The following CCSER1 variants were observed in gnomAD, a reference collection of about 807,000 sequenced individuals.
The protein encoded by CCSER1 is coiled-coil serine rich protein 1, also known as serine-rich coiled-coil domain-containing protein 1.
Under a neutral mutation model 82.0 loss-of-function variants are expected in CCSER1, and 41 were observed. The ratio of observed to expected loss-of-function variants is 0.50; its 90% CI spans 0.39 to 0.65. The LOEUF (loss-of-function observed/expected upper bound fraction) is 0.65, where lower values mean the gene tolerates loss of function less well. Ranked by LOEUF, CCSER1 falls within the 30% of genes least tolerant of loss-of-function variation. The pLI is 0.00. For synonymous variants in CCSER1, 414 were observed against 383.9 expected (o/e 1.08, Z -0.92); for missense variants, 1,119 against 1,064.2 (o/e 1.05, Z -0.72).
intron 10 of CCSER1, among the ~76,000 whole-genome samples, chr4:91,593,966 T>A (rs771186563): frequency 7.2e-5 from 11 of 152,098 alleles, no homozygotes; most frequent in Non-Finnish European, 1.2e-4. Flanking sequence ...AGGAAGACAA[T>A]TAAAAGGTAA....
intron 10 of CCSER1, among the ~76,000 whole-genome samples, chr4:91,245,286 G>C (rs4547767): frequency 7.2e-5 from 11 of 151,982 alleles, no homozygotes; most frequent in African/African-American, 2.2e-4. Context: ...ACATTCAAGT[G>C]TAAGAAGATT....
chr4:91,544,324 C>A (rs998221302), intron 10 of CCSER1, among the ~76,000 whole-genome samples: 2 of 152,180 alleles, frequency 1.3e-5, no homozygotes, highest in Non-Finnish European at 2.9e-5. Context: ...CAAAGTCATT[C>A]TCCATCCTGC....
At chr4:91,136,811 CTG>C (rs550798833) in intron 10 of CCSER1, among the ~76,000 whole-genome samples, 163 of 152,028 alleles carry the variant, frequency 1.1e-3, no homozygotes, top group African/African-American at 3.5e-3. Flanking sequence ...TTTTTTGTAA[CTG>C]TGTCAACTTA....
intron 9 of CCSER1, among the ~76,000 whole-genome samples, chr4:91,012,716 GT>G (rs1739105638): frequency 1.2e-5 from 1 of 83,264 alleles, no homozygotes. Context: ...CTAAGATAAT[GT>G]AGAATAGTAG....
At chr4:91,564,279 T>A (rs911377099) in intron 10 of CCSER1, among the ~76,000 whole-genome samples, 3 of 152,014 alleles carry the variant, frequency 2.0e-5, no homozygotes, top group Admixed American at 6.6e-5. Flanking sequence ...CACATTTTTT[T>A]AATCCGATCT....
chr4:91,598,907 T>TACG lies in CCSER1; in HGVS notation c.2554_2556dup (p.Thr852dup). On this transcript the variant is annotated inframe_insertion, in exon 11 of 11. Transcript: ENST00000509176. ...TAGAGAAACCAAAGGACCAAGTTGC[T>TACG]ACGGCCCGACAGCATTCGACCTTTA... The TACG allele has an allele frequency of 2.6e-6, 4 of 1,551,606 alleles. No homozygotes were observed. The highest frequency in any genetic ancestry group is 3.5e-6 in the Non-Finnish European group (4 of 1,146,928).
chr4:91,212,720 A>G (rs957364874), intron 10 of CCSER1, among the ~76,000 whole-genome samples: 1 of 152,170 alleles, frequency 6.6e-6, no homozygotes, highest in African/African-American at 2.4e-5. Flanking sequence ...TGAAATTTTT[A>G]TTCCTTTTTT....
chr4:90,366,796 A>G (rs1746363487), intron 3 of CCSER1, among the ~76,000 whole-genome samples: 1 of 151,950 alleles, frequency 6.6e-6, no homozygotes, highest in African/African-American at 2.4e-5. Context: ...TAGTTGAACT[A>G]ACTAAATAAA....
At chr4:90,964,743 A>G (rs1020440935) in intron 9 of CCSER1, among the ~76,000 whole-genome samples, 4 of 151,268 alleles carry the variant, frequency 2.6e-5, no homozygotes, top group Non-Finnish European at 5.9e-5. Context: ...AAAAAAAAAA[A>G]AAAAAAAAAG....
intron 4 of CCSER1, among the ~76,000 whole-genome samples, chr4:90,455,026 G>A (rs889069337): frequency 1.3e-5 from 2 of 152,114 alleles, no homozygotes; most frequent in Admixed American, 1.3e-4. Flanking sequence ...GTACCTCTGG[G>A]GTTTGCTTCT....
At chr4:90,844,823 A>G (rs1213380781) in intron 8 of CCSER1, among the ~76,000 whole-genome samples, 1 of 152,198 alleles carries the variant, frequency 6.6e-6, no homozygotes, top group African/African-American at 2.4e-5. Flanking sequence ...TTGCTCAACA[A>G]CATATTTGTA....
At chr4:90,400,667 T>A (rs1478273454) in intron 4 of CCSER1, among the ~76,000 whole-genome samples, 1 of 152,168 alleles carries the variant, frequency 6.6e-6, no homozygotes, top group Non-Finnish European at 1.5e-5. Flanking sequence ...TAAATAAGTT[T>A]TTGTTGAATG....
rs187075661 is a variant in CCSER1, at chr4:91,205,397, A to T, written c.2217+119403A>T. Reference sequence around the variant, plus strand: ...ACCACTAGAAATACTTATAAATATTATCTTTAATTACAGACAATTCATGTC... The same window carrying T: ...ACCACTAGAAATACTTATAAATATTTTCTTTAATTACAGACAATTCATGTC... On this transcript the variant is annotated intron_variant, in intron 10 of 10. Coordinates refer to ENST00000509176, the MANE Select transcript of CCSER1 (RefSeq NM_001145065.2). Among the ~76,000 whole-genome samples, 18 of 151,958 alleles carry T rather than the reference A, an allele frequency of 1.2e-4. No homozygotes were observed. The East Asian group carries it at 3.5e-3, about 29-fold the overall frequency.
rs556886929 is a variant in CCSER1 at position 91,305,901 on chromosome 4, A to AC, written c.2217+219914dup. Among the ~76,000 whole-genome samples the AC allele has an allele frequency of 6.3e-4, 95 of 150,934 alleles. No homozygotes were observed. In the East Asian group the frequency reaches 0.013, roughly 21 times the overall value. On this transcript the variant is annotated intron_variant, in intron 10 of 10. Transcript: ENST00000509176. ...TTATAAAACCGTCAGATCTTGTGAG[A>AC]CCCCCCCTCACTATCACGAGAACAG...
chr4:90,956,847 C>A (rs1485370502), intron 9 of CCSER1, among the ~76,000 whole-genome samples: 2 of 149,176 alleles, frequency 1.3e-5, no homozygotes, highest in Non-Finnish European at 3.0e-5. Context: ...TCACAGTTCA[C>A]TGAAGCTTTG....
chr4:91,256,814 G>A (rs1740726047), intron 10 of CCSER1, among the ~76,000 whole-genome samples: 1 of 152,166 alleles, frequency 6.6e-6, no homozygotes, highest in African/African-American at 2.4e-5. Flanking sequence ...ACATTATAAT[G>A]AAAATAAACC....
chr4:90,915,133 G>C (rs1204400885), intron 8 of CCSER1, among the ~76,000 whole-genome samples: 2 of 152,114 alleles, frequency 1.3e-5, no homozygotes, highest in Non-Finnish European at 2.9e-5. Flanking sequence ...CCAATCAATA[G>C]AAAAAGAGGG....
chr4:91,182,467 G>A (rs886718440), intron 10 of CCSER1, among the ~76,000 whole-genome samples: 1 of 152,178 alleles, frequency 6.6e-6, no homozygotes, highest in African/African-American at 2.4e-5. Flanking sequence ...AATAATGCTA[G>A]ATTCAGTTGC....
intron 8 of CCSER1, among the ~76,000 whole-genome samples, chr4:90,892,274 A>T (rs553366871): frequency 3.4e-4 from 51 of 151,782 alleles, no homozygotes; most frequent in Middle Eastern, 3.4e-3. Flanking sequence ...TACATTTCTC[A>T]TCCTGCTTTT....
Sources: gnomAD v4.1 joint callset for allele counts (sites outside exome capture counted in the v4.1 genomes callset) on GRCh38, gnomAD v4.1.1 for gene constraint, MANE v1.5 for transcripts, NCBI Gene and HGNC (gene_info 2026-07-23, HGNC 2026-07-21) for gene names.